KIZ: variants seen among roughly 807,000 people sequenced by gnomAD.
KIZ encodes kizuna centrosomal protein, also known as centrosomal protein kizuna.
In KIZ, 68 loss-of-function variants were observed where a neutral mutation model predicts 79.6. The observed-to-expected ratio is 0.85, with a 90% confidence interval of 0.70 to 1.05. The LOEUF (loss-of-function observed/expected upper bound fraction) is 1.05, where lower values mean the gene tolerates loss of function less well. Among genes scored for constraint, KIZ ranks in the 50% least tolerant of loss-of-function variants. KIZ has a pLI of 0.00. For synonymous variants in KIZ, 280 were observed against 281.8 expected (o/e 0.99, Z 0.06); for missense variants, 797 against 800.4 (o/e 1.00, Z 0.05).
At chr20:21,227,948 G>C (rs1172245035) in intron 9 of KIZ, among the ~76,000 whole-genome samples, 1 of 152,114 alleles carries the variant, frequency 6.6e-6, no homozygotes. Flanking sequence ...TCCCTGATCT[G>C]TATATATTTT....
intron 6 of KIZ, among the ~76,000 whole-genome samples, chr20:21,176,699 CTA>C (rs1239309134): frequency 4.0e-5 from 6 of 151,884 alleles, no homozygotes; most frequent in African/African-American, 1.5e-4. Context: ...CTCTAGGGCT[CTA>C]GAGCTCTAAA....
intron 3 of KIZ, among the ~76,000 whole-genome samples, chr20:21,144,702 A>G (rs2032755570): frequency 6.6e-6 from 1 of 152,148 alleles, no homozygotes; most frequent in Admixed American, 6.5e-5. Context: ...TGTTTTTCGT[A>G]TGTCAAAACA....
At chr20:21,184,978 A>T (rs2034809624) in intron 6 of KIZ, among the ~76,000 whole-genome samples, 1 of 152,220 alleles carries the variant, frequency 6.6e-6, no homozygotes, top group Non-Finnish European at 1.5e-5. Context: ...AGGAGTTGGG[A>T]AATACAGTGA....
chr20:21,170,527 T>C (rs1281629237), intron 6 of KIZ, among the ~76,000 whole-genome samples: 1 of 152,042 alleles, frequency 6.6e-6, no homozygotes, highest in Non-Finnish European at 1.5e-5. Context: ...TAGCTGGGAC[T>C]ACAGGCACAC....
At chr20:21,230,187 T>C (rs571975220) in intron 10 of KIZ, among the ~76,000 whole-genome samples, 4 of 152,342 alleles carry the variant, frequency 2.6e-5, no homozygotes, top group African/African-American at 9.6e-5. Flanking sequence ...CAAGGATGTC[T>C]TCTTCAACCA....
intron 6 of KIZ, among the ~76,000 whole-genome samples, chr20:21,188,563 T>A (rs2034977218): frequency 6.6e-6 from 1 of 151,788 alleles, no homozygotes; most frequent in Admixed American, 6.6e-5. Flanking sequence ...AGGAAAGGGA[T>A]CACCCCTTCT....
At chr20:21,222,245 A>G (rs1218970759) in intron 9 of KIZ, among the ~76,000 whole-genome samples, 1 of 152,172 alleles carries the variant, frequency 6.6e-6, no homozygotes, top group African/African-American at 2.4e-5. Context: ...AGAGAGATGA[A>G]CTCATAAATG....
At chr20:21,196,388 G>C (rs2123082933) in intron 6 of KIZ, 1 of 152,488 alleles carries the variant, frequency 6.6e-6, no homozygotes. Context: ...TGATCTCTCT[G>C]TGTCTTTACC....
At chr20:21,142,273 C>T (rs2032596490) in intron 3 of KIZ, among the ~76,000 whole-genome samples, 1 of 152,064 alleles carries the variant, frequency 6.6e-6, no homozygotes, top group African/African-American at 2.4e-5. Flanking sequence ...GTAAGCACTT[C>T]CTTCATGGTA....
Position 21,246,490 on chromosome 20 carries a change from GAGTCTGATGAC to G in KIZ, c.1940_1950del (p.Ser647Ter). 6.2e-7 allele frequency: 1 copy of G among 1,602,484 alleles called. No homozygotes were observed. The highest frequency in any genetic ancestry group is 8.5e-7 in the Non-Finnish European group (1 of 1,169,806). On this transcript the variant is annotated frameshift_variant, in exon 13 of 13. Coordinates refer to ENST00000619189, the MANE Select transcript of KIZ (RefSeq NM_018474.6). LOFTEE classifies it high-confidence loss of function. ...GTTTTATTTTCCAGCCCTCTGGGAT[GAGTCTGATGAC>G]AGTAACTCAGAAATTGAGGCTGCTT...
intron 6 of KIZ, among the ~76,000 whole-genome samples, chr20:21,182,669 C>A (rs561826581): frequency 1.3e-4 from 19 of 151,962 alleles, no homozygotes; most frequent in African/African-American, 3.4e-4. Context: ...TGTTGGTGTG[C>A]ATCTGTAATC....
At chr20:21,133,646 A>G (rs2031989047) in intron 2 of KIZ, among the ~76,000 whole-genome samples, 1 of 152,260 alleles carries the variant, frequency 6.6e-6, no homozygotes, top group South Asian at 2.1e-4. Flanking sequence ...GATTGCCTGT[A>G]GAAGAAAATC....
intron 3 of KIZ, among the ~76,000 whole-genome samples, chr20:21,145,020 T>G (rs1214789419): frequency 6.6e-6 from 1 of 152,164 alleles, no homozygotes; most frequent in Non-Finnish European, 1.5e-5. Context: ...TGGTTTCTGA[T>G]CATTGATGTC....
At chr20:21,169,380 T>G (rs1009322207) in intron 6 of KIZ, among the ~76,000 whole-genome samples, 18 of 152,004 alleles carry the variant, frequency 1.2e-4, no homozygotes, top group Non-Finnish European at 2.4e-4. Context: ...CACAATGAGA[T>G]ACCATCTCAC....
At chr20:21,241,452 C>T (rs2037212974) in intron 11 of KIZ, among the ~76,000 whole-genome samples, 1 of 152,210 alleles carries the variant, frequency 6.6e-6, no homozygotes, top group Non-Finnish European at 1.5e-5. Flanking sequence ...AAACATGTTT[C>T]CTGTGAGAAA....
rs149324316 is a variant in KIZ, at chr20:21,188,676, TTTTA to T, written c.1353-16779_1353-16776del. 1.8e-3 allele frequency among the ~76,000 whole-genome samples: 261 copies of T among 141,878 alleles called. 1 individual carries two copies. Among genetic ancestry groups the T allele is most frequent in the African/African-American group, 4.5e-3 (169 of 37,710 alleles). The allele number at this position is 141,878 out of a possible 152,430, so 93.1% of individuals were successfully genotyped here. A position where few individuals can be genotyped will look rare whatever the true frequency, so the allele number is the denominator to read the frequency against. On this transcript the variant is annotated intron_variant, in intron 6 of 12. Coordinates refer to ENST00000619189, the MANE Select transcript of KIZ (RefSeq NM_018474.6). Reference sequence around the variant, plus strand: ...CCCTGGAGATCTGTTTTGCATTTTATTTTATTTATTTATTTATTTATTTATTTAT... The same window carrying T: ...CCCTGGAGATCTGTTTTGCATTTTATTTTATTTATTTATTTATTTATTTAT...
At chr20:21,204,681 T>C (rs924727182) in intron 6 of KIZ, among the ~76,000 whole-genome samples, 8 of 152,164 alleles carry the variant, frequency 5.3e-5, no homozygotes, top group Admixed American at 1.3e-4. Flanking sequence ...GTTCATCTTG[T>C]GCGTTTCCTG....
chr20:21,205,525 G>A lies in KIZ; in HGVS notation c.1387G>A (p.Ala463Thr), dbSNP rs960994051. 88 of 1,565,040 alleles carry A rather than the reference G, an allele frequency of 5.6e-5. 1 individual carries two copies. In the East Asian group the frequency reaches 1.9e-3, roughly 35 times the overall value. The change falls in exon 7 of 13, where the codon GCA (alanine) becomes ACA (threonine). Residue 463 changes from alanine (A) to threonine (T), a missense_variant. By Grantham distance (58) the Ala-to-Thr change is moderately conservative (BLOSUM62 0). Coordinates refer to ENST00000619189, the MANE Select transcript of KIZ (RefSeq NM_018474.6). ...AACACCAGACTCAGACGTACCGAGGGCACAGGTGGGTCAGCATGTTGCCAC... is the reference window on the plus strand; with the variant it reads ...AACACCAGACTCAGACGTACCGAGGACACAGGTGGGTCAGCATGTTGCCAC... ...GQTPDSDVPR[A>T]QVGQHVATLK...
intron 4 of KIZ, among the ~76,000 whole-genome samples, chr20:21,150,603 A>G (rs79705095): frequency 2.6e-5 from 4 of 152,288 alleles, no homozygotes; most frequent in African/African-American, 9.6e-5. Flanking sequence ...TTTCTTATTT[A>G]TATGTGTTTG....
Sources: gnomAD v4.1 joint callset for allele counts (sites outside exome capture counted in the v4.1 genomes callset) on GRCh38, gnomAD v4.1.1 for gene constraint, MANE v1.5 for transcripts, NCBI Gene and HGNC (gene_info 2026-07-23, HGNC 2026-07-21) for gene names.